The following XRCC1 variants were observed in gnomAD, a reference collection of about 807,000 sequenced individuals.
The protein encoded by XRCC1 is X-ray repair cross complementing 1, also known as DNA repair protein XRCC1.
A neutral mutation model predicts 83.3 loss-of-function variants in XRCC1; 52 were observed. The ratio of observed to expected loss-of-function variants is 0.62; its 90% confidence interval spans 0.50 to 0.79. XRCC1 has a LOEUF of 0.79. Ranked by LOEUF, XRCC1 falls within the 30% of genes least tolerant of loss-of-function variation. The probability of loss-of-function intolerance (pLI) is 0.00; values close to 1 mark genes in which losing one functional copy is unlikely to be tolerated. For missense variants in XRCC1, 793 were observed against 823.5 expected (o/e 0.96, Z 0.45); for synonymous variants, 281 against 312.6 (o/e 0.90, Z 1.07).
chr19:43,546,004 C>T (rs25480), intron 13 of XRCC1, 47 bp from the exon 14 acceptor site: 34,659 of 1,613,782 alleles, frequency 0.021, 469 homozygotes, highest in Non-Finnish European at 0.026. Context: ...GAGCAGCCTC[C>T]CCTACACCCA....
chr19:43,546,487 G>A (rs1972511601), intron 12 of XRCC1, 108 bp downstream of exon 12: 3 of 1,305,880 alleles, frequency 2.3e-6, no homozygotes, highest in Non-Finnish European at 3.2e-6. Context: ...AGACTCAGGA[G>A]TCCAGGCCCC....
At chr19:43,573,144 G>C (rs1403984135) in intron 2 of XRCC1, among the ~76,000 whole-genome samples, 2 of 151,886 alleles carry the variant, frequency 1.3e-5, no homozygotes, top group African/African-American at 4.8e-5. Flanking sequence ...ATGTTACCCA[G>C]GCTGGTCTCA....
chr19:43,552,743 C>G, intron 8 of XRCC1, 54 bp downstream of exon 8: 1 of 1,501,676 alleles, frequency 6.7e-7, no homozygotes, highest in African/African-American at 1.4e-5. Context: ...CCCCGCTTCC[C>G]CTAGGACACA....
chr19:43,559,754 C>G (rs188097167), intron 3 of XRCC1, among the ~76,000 whole-genome samples: 65 of 152,020 alleles, frequency 4.3e-4, no homozygotes, highest in Admixed American at 4.3e-3. Context: ...CTGGATTATC[C>G]GGGTAGGCCA....
chr19:43,548,355 T>C (rs1007796374), intron 10 of XRCC1, among the ~76,000 whole-genome samples: 48 of 152,174 alleles, frequency 3.2e-4, no homozygotes, highest in African/African-American at 9.2e-4. Flanking sequence ...GGGGAAAAGA[T>C]AGAGAAATCA....
At chr19:43,573,922 T>C (rs1215448771) in intron 2 of XRCC1, among the ~76,000 whole-genome samples, 1 of 152,040 alleles carries the variant, frequency 6.6e-6, no homozygotes, top group Non-Finnish European at 1.5e-5. Flanking sequence ...TTGTATAACT[T>C]CTTTGGGCCT....
At chr19:43,548,199 G>A (rs1249919270) in intron 10 of XRCC1, among the ~76,000 whole-genome samples, 1 of 151,490 alleles carries the variant, frequency 6.6e-6, no homozygotes, top group Non-Finnish European at 1.5e-5. Flanking sequence ...GGGAGGTGGG[G>A]GGCGCCTCTG....
chr19:43,560,845 G>C, intron 3 of XRCC1, 65 bp downstream of exon 3: 3 of 1,364,422 alleles, frequency 2.2e-6, no homozygotes, highest in Non-Finnish European at 1.0e-6. Flanking sequence ...AGCCCCTGGG[G>C]GAGACGGTGA....
At chr19:43,574,029 G>A (rs570333095) in intron 2 of XRCC1, among the ~76,000 whole-genome samples, 4 of 152,318 alleles carry the variant, frequency 2.6e-5, no homozygotes, top group Non-Finnish European at 4.4e-5. Context: ...GAGGTGTGTA[G>A]AGCAGCGACT....
chr19:43,570,698 T>C (rs1038013509), intron 2 of XRCC1, among the ~76,000 whole-genome samples: 10 of 152,074 alleles, frequency 6.6e-5, no homozygotes, highest in Admixed American at 5.2e-4. Flanking sequence ...GGTGGGAGGA[T>C]TGCCTGAGCC....
At position 43,560,930 on chromosome 19, in the gene XRCC1, C is replaced by A. The variant is rs148471252; in HGVS notation, c.235G>T (p.Ala79Ser). 6.2e-7 allele frequency: 1 copy of A among 1,614,106 alleles called. No homozygotes were observed. The highest frequency in any genetic ancestry group is 8.5e-7 in the Non-Finnish European group (1 of 1,179,948). ...CTTACCTCATAGTCTTGCTCCCCAG[C>A]GCCTCCAGCTGAACTGCCCACCAGC... ...EVLVGSSAGG[A>S]GEQDYEVLLV... The change falls in exon 3 of 17, where the codon GCT (alanine) becomes TCT (serine). Residue 79 changes from alanine (A) to serine (S), a missense_variant. Transcript: ENST00000262887.
At chr19:43,563,281 G>A (rs1972719216) in intron 2 of XRCC1, among the ~76,000 whole-genome samples, 1 of 152,240 alleles carries the variant, frequency 6.6e-6, no homozygotes, top group South Asian at 2.1e-4. Context: ...GAGGTCAGGA[G>A]TTTGAGACTA....
intron 2 of XRCC1, among the ~76,000 whole-genome samples, chr19:43,570,375 T>G (rs552762780): frequency 7.2e-5 from 11 of 152,352 alleles, no homozygotes; most frequent in Non-Finnish European, 1.0e-4. Flanking sequence ...CTGCTGTGGC[T>G]ACTGCAAACA....
intron 3 of XRCC1, among the ~76,000 whole-genome samples, chr19:43,557,814 A>T (rs1342900109): frequency 6.7e-6 from 1 of 148,906 alleles, no homozygotes; most frequent in Non-Finnish European, 1.5e-5. Context: ...AAAAAAAAAA[A>T]AAAAAGGAAG....
At chr19:43,557,301 C>G (rs1056365130) in intron 3 of XRCC1, among the ~76,000 whole-genome samples, 1 of 111,286 alleles carries the variant, frequency 9.0e-6, no homozygotes, top group African/African-American at 3.7e-5. Flanking sequence ...GAGCGAGACT[C>G]CGTCTCAAAA....
In XRCC1 at chr19:43,555,126, C is replaced by T. The variant is rs3213353; in HGVS notation, c.256-322G>A. On this transcript the variant is annotated intron_variant, in intron 3 of 16. Coordinates refer to ENST00000262887, the MANE Select transcript of XRCC1 (RefSeq NM_006297.3). ...CGGCAGAGAATATTCAGTAAACTGG[C>T]ACAATATTCAAACACCTTTTGGAAA... 4.5e-3 allele frequency: 921 copies of T among 204,034 alleles called. 44 individuals are homozygous for T. The highest frequency in any genetic ancestry group is 0.043 in the Admixed American group (724 of 16,918). 12.6% of individuals were successfully genotyped at this position (204,034 alleles called of 1,614,324 possible).
chr19:43,543,702 G>T lies in XRCC1; in HGVS notation c.1713-15C>A. On this transcript the variant is annotated splice_polypyrimidine_tract_variant and intron_variant, in intron 15 of 16. Transcript: ENST00000262887. ...CCTCGAGCTCCCTGGCGGGAGAGAA[G>T]AAAAGAGGTAGAAGGCACATCAGGG... 3.1e-6 allele frequency: 5 copies of T among 1,613,354 alleles called. No homozygotes were observed. Among genetic ancestry groups the T allele is most frequent in the Non-Finnish European group, 4.2e-6 (5 of 1,179,450 alleles).
chr19:43,565,282 C>A (rs1007467532), intron 2 of XRCC1, among the ~76,000 whole-genome samples: 2 of 152,202 alleles, frequency 1.3e-5, no homozygotes, highest in African/African-American at 4.8e-5. Context: ...CCGGGCATCA[C>A]TGAAGCCTCA....
chr19:43,552,267 G>A lies in XRCC1; in HGVS notation c.832C>T (p.Pro278Ser), dbSNP rs752529647. The change falls in exon 9 of 17, where the codon CCA (proline) becomes TCA (serine). Residue 278 changes from proline (P) to serine (S), a missense_variant. Physicochemically the swap from Pro to Ser is moderately conservative, Grantham distance 74. Transcript: ENST00000262887. ...SVPKRPKLPAPTRTPATAPVP... is the reference protein window; with the variant it reads ...SVPKRPKLPASTRTPATAPVP... ...GGGGCTGTGGCTGGGGTACGAGTTG[G>A]AGCTGGCACTGGAGAAGACAAAGAG... 11 of 1,602,402 alleles carry A rather than the reference G, an allele frequency of 6.9e-6. No homozygotes were observed. The highest frequency in any genetic ancestry group is 3.3e-4 in the Middle Eastern group (2 of 6,050).
Sources: allele counts gnomAD v4.1 joint callset (sites outside exome capture counted in the v4.1 genomes callset), GRCh38; gene constraint gnomAD v4.1.1; transcripts MANE v1.5; gene names NCBI Gene and HGNC (gene_info 2026-07-23, HGNC 2026-07-21).